Variants in ENDOU observed in about 807,000 individuals in gnomAD.
The protein encoded by ENDOU is endonuclease, poly(U) specific, also known as uridylate-specific endoribonuclease.
Under a neutral mutation model 54.2 loss-of-function variants are expected in ENDOU, and 49 were observed. That is an observed-to-expected ratio of 0.90 (90% CI 0.72 to 1.15). ENDOU has a LOEUF of 1.15. Among genes scored for constraint, ENDOU ranks in the 50% most tolerant of loss-of-function variants. The pLI, the probability that ENDOU is intolerant of heterozygous loss-of-function variation, is 0.00. For synonymous variants in ENDOU, 172 were observed against 190.5 expected (o/e 0.90, Z 0.80); for missense variants, 458 against 511.4 (o/e 0.90, Z 1.01).
rs547031049 is a variant in ENDOU, at chr12:47,712,686, T to G, written c.866-64A>C. ...TCCCCACCCTCCCCTCCAATCCCCT[T>G]TCTCCACCCCATGCCAAGGCTTCCC... On this transcript the variant is annotated intron_variant, in intron 7 of 9. Transcript: ENST00000422538. 50 of 1,231,332 alleles carry G rather than the reference T, an allele frequency of 4.1e-5. No individual in the cohort carries two copies. In the East Asian group the frequency reaches 1.0e-3, roughly 25 times the overall value. The allele number at this position is 1,231,332 out of a possible 1,614,324, so 76.3% of individuals were successfully genotyped here. A position where few individuals can be genotyped will look rare whatever the true frequency, so the allele number is the denominator to read the frequency against.
intron 8 of ENDOU, among the ~76,000 whole-genome samples, chr12:47,712,151 GTATGAAGTT>G (rs1940044709): frequency 6.6e-6 from 1 of 152,218 alleles, no homozygotes; most frequent in South Asian, 2.1e-4. Flanking sequence ...CTTATAAAGT[GTATGAAGTT>G]TAGCTCAAAC....
At position 47,717,519 on chromosome 12, in the gene ENDOU, G is replaced by A. The variant is rs897883509; in HGVS notation, c.381C>T (p.His127=). 6.2e-6 allele frequency: 10 copies of A among 1,613,888 alleles called. No homozygotes were observed. Among genetic ancestry groups the A allele is most frequent in the Admixed American group, 3.3e-5 (2 of 59,996 alleles). ...CKDFESLCSD[H]EVSHSSDAIT... is the part of the protein sequence containing the mutation. ...TAGCTAAGGGAGCAGAAGACTAACC[G>A]TGGTCACTACACAGGCTCTCAAAAT... Residue 127 remains histidine (H), a splice_region_variant and synonymous_variant, in exon 4 of 10, where the codon CAC becomes CAT. Coordinates refer to ENST00000422538, the MANE Select transcript of ENDOU (RefSeq NM_001172439.2).
chr12:47,721,771 C>T (rs1364635277), intron 1 of ENDOU, among the ~76,000 whole-genome samples: 1 of 152,196 alleles, frequency 6.6e-6, no homozygotes, highest in Admixed American at 6.5e-5. Context: ...AACCCACTAT[C>T]CACTCTGGGC....
intron 5 of ENDOU, 42 bp from the exon 6 acceptor site, chr12:47,716,541 C>G (rs767778158): frequency 6.3e-7 from 1 of 1,593,808 alleles, no homozygotes; most frequent in South Asian, 1.1e-5. Flanking sequence ...GCCCCAAACA[C>G]AGGGCAGCGA....
intron 3 of ENDOU, 157 bp downstream of exon 3, chr12:47,717,972 C>G (rs1001013715): frequency 5.6e-6 from 4 of 711,530 alleles, no homozygotes; most frequent in East Asian, 5.5e-5. Context: ...GCTGAGCCCC[C>G]CCAGGCTTCT....
In ENDOU at chr12:47,712,524, C is replaced by T. The variant is rs1156895134; in HGVS notation, c.964G>A (p.Asp322Asn). 2.5e-6 allele frequency: 4 copies of T among 1,612,244 alleles called. No individual in the cohort carries two copies. The highest frequency in any genetic ancestry group is 4.5e-5 in the East Asian group (2 of 44,882). Reference sequence around the variant, plus strand: ...CTAGTCCGTGTACTCACAGGCCCATCGTAGATGTGACTGTAATAGTCAACC... The same window carrying T: ...CTAGTCCGTGTACTCACAGGCCCATTGTAGATGTGACTGTAATAGTCAACC... Reference protein sequence around the residue: ...GLVDYYSHIYDGPWDSYPDVL... With the variant: ...GLVDYYSHIYNGPWDSYPDVL... Residue 322 changes from aspartate (D) to asparagine (N), a missense_variant, in exon 8 of 10, where the codon GAT becomes AAT. By Grantham distance (23) the Asp-to-Asn change is conservative. Transcript: ENST00000422538.
intron 3 of ENDOU, 22 bp downstream of exon 3, chr12:47,718,107 C>A: frequency 6.4e-7 from 1 of 1,555,578 alleles, no homozygotes; most frequent in East Asian, 2.4e-5. Context: ...TTGAGGGCCC[C>A]CCTTTGGGGA....
At chr12:47,724,500 C>T (rs1940527800) in intron 1 of ENDOU, among the ~76,000 whole-genome samples, 1 of 152,196 alleles carries the variant, frequency 6.6e-6, no homozygotes, top group African/African-American at 2.4e-5. Flanking sequence ...TCTCACTTTG[C>T]ACCAGGTGCT....
chr12:47,716,039 C>A (rs1940216008), intron 6 of ENDOU, among the ~76,000 whole-genome samples: 1 of 152,084 alleles, frequency 6.6e-6, no homozygotes, highest in Non-Finnish European at 1.5e-5. Context: ...AGAGGGTGGG[C>A]GTGCATGAGG....
chr12:47,710,008 A>AG lies in ENDOU; in HGVS notation c.*793_*794insC, dbSNP rs1450575131. 4.8e-5 allele frequency: 1 copy of AG among 20,858 alleles called. No homozygotes were observed. The highest frequency in any genetic ancestry group is 1.5e-4 in the African/African-American group (1 of 6,596). 1.3% of individuals were successfully genotyped at this position (20,858 alleles called of 1,614,324 possible). On this transcript the variant is annotated 3_prime_UTR_variant, in exon 10 of 10. Coordinates refer to ENST00000422538, the MANE Select transcript of ENDOU (RefSeq NM_001172439.2). ...ATCCTCCTATGAGGAGAACTCTTTC[A>AG]AAAAAAAATTGGGGATCAAAATACA... is the stretch of plus-strand genomic sequence containing the variant.
chr12:47,718,240 C>A lies in ENDOU; in HGVS notation c.179-46G>T, dbSNP rs774067493. On this transcript the variant is annotated intron_variant, in intron 2 of 9. Coordinates refer to ENST00000422538, the MANE Select transcript of ENDOU (RefSeq NM_001172439.2). ...AAAGTCACCAACAACCTGAGAATTC[C>A]CCTGCTGCTTGGTTTCTGGTTCTCT... is the stretch of plus-strand genomic sequence containing the variant. 6 of 1,506,310 alleles carry A rather than the reference C, an allele frequency of 4.0e-6. No homozygotes were observed. In the East Asian group the frequency reaches 1.5e-4, roughly 37 times the overall value. The allele number at this position is 1,506,310 out of a possible 1,614,324, so 93.3% of individuals were successfully genotyped here.
chr12:47,725,004 G>A (rs1940541323), intron 1 of ENDOU, among the ~76,000 whole-genome samples: 2 of 152,066 alleles, frequency 1.3e-5, no homozygotes, highest in Non-Finnish European at 2.9e-5. Context: ...CAGACCCCAT[G>A]GACACCAGCC....
chr12:47,718,467 G>A (rs576163464), intron 2 of ENDOU, among the ~76,000 whole-genome samples: 193 of 152,286 alleles, frequency 1.3e-3, no homozygotes, highest in African/African-American at 4.4e-3. Flanking sequence ...CTCTGACTTC[G>A]GTGATGAAAA....
At chr12:47,724,610 A>C (rs576951043) in intron 1 of ENDOU, among the ~76,000 whole-genome samples, 20 of 151,742 alleles carry the variant, frequency 1.3e-4, no homozygotes, top group Non-Finnish European at 2.5e-4. Context: ...TTCTCCCCAC[A>C]CTCCTCAGCT....
chr12:47,713,745 G>GC (rs1042148650), intron 6 of ENDOU, among the ~76,000 whole-genome samples: 1 of 150,756 alleles, frequency 6.6e-6, no homozygotes, highest in Non-Finnish European at 1.5e-5. Context: ...GTTGGCGGGG[G>GC]GGGGGGGTCT....
At chr12:47,713,573 C>G (rs1196449136) in intron 6 of ENDOU, among the ~76,000 whole-genome samples, 185 bp from the exon 7 acceptor site, 3 of 152,172 alleles carry the variant, frequency 2.0e-5, no homozygotes, top group Non-Finnish European at 2.9e-5. Context: ...AAATCCAGAT[C>G]TAAAGGCTGA....
At chr12:47,721,129 G>A (rs927945736) in intron 1 of ENDOU, among the ~76,000 whole-genome samples, 4 of 152,156 alleles carry the variant, frequency 2.6e-5, no homozygotes, top group African/African-American at 9.7e-5. Context: ...ATTTGGGTTA[G>A]GCCCATAACA....
chr12:47,713,918 A>T (rs1940134664), intron 6 of ENDOU, among the ~76,000 whole-genome samples: 1 of 152,238 alleles, frequency 6.6e-6, no homozygotes, highest in African/African-American at 2.4e-5. Context: ...CTACTCAAAG[A>T]ACTAAAAGAA....
rs202067907 is a variant in ENDOU, at chr12:47,716,406, A to G, written c.645T>C (p.His215=). Residue 215 remains histidine, a synonymous_variant, in exon 6 of 10, where the codon CAT becomes CAC. Coordinates refer to ENST00000422538, the MANE Select transcript of ENDOU (RefSeq NM_001172439.2). ...LLNNYQRATG[H]GEHFSAQELA... ...GCTCCTGGGCACTGAAGTGCTCCCC[A>G]TGGCCTGTTGCCCGCTGGTAGTTGT... The G allele has an allele frequency of 3.9e-5, 63 of 1,614,178 alleles. No individual in the cohort carries two copies. The East Asian group carries it at 1.0e-3, about 26-fold the overall frequency.
Sources: allele counts gnomAD v4.1 joint callset (sites outside exome capture counted in the v4.1 genomes callset), GRCh38; gene constraint gnomAD v4.1.1; transcripts MANE v1.5; gene names NCBI Gene and HGNC (gene_info 2026-07-23, HGNC 2026-07-21).